RAD51B: variants seen among roughly 807,000 people sequenced by gnomAD.
RAD51B encodes the protein RAD51 paralog B, also known as DNA repair protein RAD51 homolog 2.
Under a neutral mutation model 42.2 loss-of-function variants are expected in RAD51B, and 38 were observed. The observed-to-expected ratio is 0.90, with a 90% CI of 0.70 to 1.18. The LOEUF (loss-of-function observed/expected upper bound fraction) is 1.18. Among genes scored for constraint, RAD51B ranks in the 50% most tolerant of loss-of-function variants. The pLI is 0.00. For missense variants in RAD51B, 373 were observed against 400.7 expected, an observed-to-expected ratio of 0.93 and a Z score of 0.59; for synonymous variants, 154 against 145.2, an observed-to-expected ratio of 1.06 and a Z score of -0.43.
At chr14:68,269,744 TG>T (rs1321600275) in intron 7 of RAD51B, among the ~76,000 whole-genome samples, 1 of 152,242 alleles carries the variant, frequency 6.6e-6, no homozygotes, top group East Asian at 1.9e-4. Flanking sequence ...GAACAACGCC[TG>T]TTCCCCAGCG....
At chr14:68,162,391 AT>A in intron 7 of RAD51B, among the ~76,000 whole-genome samples, 1 of 152,330 alleles carries the variant, frequency 6.6e-6, no homozygotes, top group East Asian at 1.9e-4. Context: ...GATATTTTAA[AT>A]TGAATACTGA....
intron 8 of RAD51B, among the ~76,000 whole-genome samples, chr14:68,356,292 G>A (rs1444338581): frequency 2.0e-5 from 3 of 152,068 alleles, no homozygotes; most frequent in South Asian, 2.1e-4. Flanking sequence ...AAAATTAGCC[G>A]GGTGCAGTGG....
chr14:68,453,559 G>A (rs1193539994), intron 9 of RAD51B, among the ~76,000 whole-genome samples: 1 of 152,134 alleles, frequency 6.6e-6, no homozygotes, highest in Non-Finnish European at 1.5e-5. Flanking sequence ...CAGGATAAAA[G>A]CCATAATTTA....
intron 11 of RAD51B, among the ~76,000 whole-genome samples, chr14:68,667,587 A>G (rs1893058891): frequency 6.6e-6 from 1 of 152,184 alleles, no homozygotes; most frequent in African/African-American, 2.4e-5. Flanking sequence ...ATGCTCCTCC[A>G]TATATTAGTG....
In RAD51B at chr14:68,230,027, T is replaced by C. The variant is rs191406288; in HGVS notation, c.757-61857T>C. ...ATTTCTAGCATGTCACTGAATTCTA[T>C]CCCTGCTCTTCAGAATCAGTTACAC... On this transcript the variant is annotated intron_variant, in intron 7 of 10. Transcript: ENST00000471583. Among the ~76,000 whole-genome samples, 17 of 152,296 alleles carry C rather than the reference T, an allele frequency of 1.1e-4. No homozygotes were observed. The East Asian group carries it at 3.3e-3, about 29-fold the overall frequency.
chr14:68,117,677 G>C (rs779975110), intron 7 of RAD51B, among the ~76,000 whole-genome samples: 1 of 152,168 alleles, frequency 6.6e-6, no homozygotes, highest in Admixed American at 6.5e-5. Flanking sequence ...ACAAATTATT[G>C]CATTCAATTA....
intron 8 of RAD51B, among the ~76,000 whole-genome samples, chr14:68,299,990 G>A (rs1397621889): frequency 6.6e-6 from 1 of 152,114 alleles, no homozygotes; most frequent in Non-Finnish European, 1.5e-5. Flanking sequence ...AGCCATAACA[G>A]TAAAGAAGAT....
intron 9 of RAD51B, among the ~76,000 whole-genome samples, chr14:68,442,238 A>G (rs1361805947): frequency 6.6e-6 from 1 of 152,060 alleles, no homozygotes; most frequent in African/African-American, 2.4e-5. Flanking sequence ...TACTGACTGG[A>G]TGATTTGGTC....
chr14:67,868,010 A>G (rs2139998628), intron 5 of RAD51B, among the ~76,000 whole-genome samples: 1 of 152,356 alleles, frequency 6.6e-6, no homozygotes, highest in Admixed American at 6.5e-5. Context: ...CTTTTTACTA[A>G]GAAGGAGAGA....
At chr14:68,143,019 G>C (rs572493075) in intron 7 of RAD51B, among the ~76,000 whole-genome samples, 7 of 150,380 alleles carry the variant, frequency 4.7e-5, no homozygotes, top group Admixed American at 2.0e-4. Context: ...GGGCGAGGGG[G>C]TGGGGGGGGA....
At chr14:68,322,722 C>A (rs887894246) in intron 8 of RAD51B, among the ~76,000 whole-genome samples, 2 of 152,148 alleles carry the variant, frequency 1.3e-5, no homozygotes, top group Non-Finnish European at 2.9e-5. Context: ...GCCATTGTCT[C>A]CTTGCTTTGT....
chr14:68,390,870 G>T (rs2083730026), intron 8 of RAD51B, among the ~76,000 whole-genome samples: 1 of 152,202 alleles, frequency 6.6e-6, no homozygotes, highest in South Asian at 2.1e-4. Context: ...AAGGATTAGG[G>T]TGTCCTCTAG....
intron 10 of RAD51B, among the ~76,000 whole-genome samples, chr14:68,604,229 G>A (rs1891344991): frequency 6.6e-6 from 1 of 152,190 alleles, no homozygotes; most frequent in South Asian, 2.1e-4. Flanking sequence ...GGGAGGCCCG[G>A]CCCACTCCCA....
At chr14:68,596,415 C>A (rs561151659), downstream of RAD51B, among the ~76,000 whole-genome samples, 2 of 152,224 alleles carry the variant, frequency 1.3e-5, no homozygotes, top group Non-Finnish European at 2.9e-5. Context: ...TTTCATAGCA[C>A]CCTACGCTCA....
chr14:68,313,688 T>A (rs1181271912), intron 8 of RAD51B, among the ~76,000 whole-genome samples: 2 of 152,178 alleles, frequency 1.3e-5, no homozygotes, highest in Non-Finnish European at 2.9e-5. Flanking sequence ...TGTCATCCTA[T>A]CATAGAGATG....
intron 8 of RAD51B, among the ~76,000 whole-genome samples, chr14:68,301,004 G>T (rs1252949765): frequency 6.6e-6 from 1 of 152,174 alleles, no homozygotes; most frequent in Non-Finnish European, 1.5e-5. Context: ...TCTACCCTCA[G>T]GGGAGTGTCT....
At chr14:68,299,174 A>G (rs1196334832) in intron 8 of RAD51B, among the ~76,000 whole-genome samples, 1 of 152,014 alleles carries the variant, frequency 6.6e-6, no homozygotes, top group East Asian at 1.9e-4. Flanking sequence ...ATTTTAGCAT[A>G]CATCAGAATC....
intron 7 of RAD51B, among the ~76,000 whole-genome samples, chr14:68,234,012 T>A (rs186945666): frequency 6.6e-6 from 1 of 152,140 alleles, no homozygotes; most frequent in Non-Finnish European, 1.5e-5. Flanking sequence ...GATGATAGTG[T>A]AGGGTGGAAA....
At chr14:67,992,906 C>T (rs931606780) in intron 7 of RAD51B, among the ~76,000 whole-genome samples, 1 of 152,044 alleles carries the variant, frequency 6.6e-6, no homozygotes, top group Non-Finnish European at 1.5e-5. Flanking sequence ...TTTGTTCACT[C>T]ATTTGTTTTT....
Sources: allele counts gnomAD v4.1 joint callset (sites outside exome capture counted in the v4.1 genomes callset), GRCh38; gene constraint gnomAD v4.1.1; transcripts MANE v1.5; gene names NCBI Gene and HGNC (gene_info 2026-07-23, HGNC 2026-07-21).